The following GABRA5 variants were observed in gnomAD, a reference collection of about 807,000 sequenced individuals.
The protein encoded by GABRA5 is gamma-aminobutyric acid type A receptor subunit alpha5.
Under a neutral mutation model 47.3 loss-of-function variants are expected in GABRA5, and 18 were observed. The ratio of observed to expected loss-of-function variants is 0.38; its 90% confidence interval spans 0.26 to 0.56. The LOEUF is 0.56. GABRA5 is among the 20% of genes least tolerant of loss of function. GABRA5 has a pLI of 0.71. For synonymous variants in GABRA5, 237 were observed against 229.3 expected (o/e 1.03, Z -0.30); for missense variants, 365 against 599.3 (o/e 0.61, Z 4.08).
chr15:26,920,996 G>A (rs1016298590), intron 7 of GABRA5, among the ~76,000 whole-genome samples: 1 of 151,924 alleles, frequency 6.6e-6, no homozygotes, highest in South Asian at 2.1e-4. Context: ...TTGCAGCCCT[G>A]GAATAAACTC....
At chr15:26,912,270 T>G (rs1036084991) in intron 6 of GABRA5, among the ~76,000 whole-genome samples, 1 of 152,248 alleles carries the variant, frequency 6.6e-6, no homozygotes, top group African/African-American at 2.4e-5. Context: ...GTCTTCCTTC[T>G]TAAGGAAATT....
intron 7 of GABRA5, among the ~76,000 whole-genome samples, chr15:26,917,368 T>G (rs922130638): frequency 2.6e-5 from 4 of 152,114 alleles, no homozygotes; most frequent in Non-Finnish European, 4.4e-5. Flanking sequence ...TAATGTGATG[T>G]ATTACATCAA....
intron 6 of GABRA5, among the ~76,000 whole-genome samples, chr15:26,911,171 G>GCATTCT: frequency 6.6e-6 from 1 of 151,296 alleles, no homozygotes; most frequent in Non-Finnish European, 1.5e-5. Flanking sequence ...CTGAGGTTTA[G>GCATTCT]AATTCTAAGG....
chr15:26,928,943 G>A (rs183744501), intron 7 of GABRA5, among the ~76,000 whole-genome samples: 1 of 152,210 alleles, frequency 6.6e-6, no homozygotes, highest in Admixed American at 6.5e-5. Context: ...CCATTCATGA[G>A]GGCTCCATCC....
chr15:26,942,275 C>T (rs1319751350), intron 9 of GABRA5, among the ~76,000 whole-genome samples: 1 of 152,224 alleles, frequency 6.6e-6, no homozygotes, highest in East Asian at 1.9e-4. Flanking sequence ...GCATAATCTG[C>T]CAGTCCAAAG....
At chr15:26,912,725 G>A (rs7178125) in intron 6 of GABRA5, among the ~76,000 whole-genome samples, 127,448 of 152,266 alleles carry the variant, frequency 0.84, 53,613 homozygotes, top group East Asian at 0.91. Context: ...TTCTGTTCTA[G>A]TGTTAGGTAT....
intron 3 of GABRA5, among the ~76,000 whole-genome samples, chr15:26,871,669 A>G (rs1286491855): frequency 1.3e-5 from 2 of 152,094 alleles, no homozygotes; most frequent in Non-Finnish European, 2.9e-5. Flanking sequence ...CATGTTTTTT[A>G]TACAGTTGGG....
chr15:26,935,654 C>T lies in GABRA5; in HGVS notation c.581-1531C>T, dbSNP rs150337425. Among the ~76,000 whole-genome samples, 965 of 152,340 alleles carry T rather than the reference C, an allele frequency of 6.3e-3. 9 individuals are homozygous for T. The highest frequency in any genetic ancestry group is 0.02 in the African/African-American group (816 of 41,592). ...AGTGATGAGTGGGCCACAGCCTCCA[C>T]ACTTCACGAATCCCATCGCGTCTCA... is the stretch of plus-strand genomic sequence containing the variant. On this transcript the variant is annotated intron_variant, in intron 7 of 10. Coordinates refer to ENST00000335625, the MANE Select transcript of GABRA5 (RefSeq NM_000810.4).
intron 9 of GABRA5, 132 bp from the exon 10 acceptor site, chr15:26,943,083 C>CAACATA (rs1555393997): frequency 1.5e-6 from 1 of 681,220 alleles, no homozygotes; most frequent in African/African-American, 1.8e-5. Context: ...GACTCTGTCT[C>CAACATA]AAAATAAAAA....
intron 6 of GABRA5, among the ~76,000 whole-genome samples, chr15:26,884,777 A>G (rs1288844960): frequency 1.3e-5 from 2 of 152,208 alleles, no homozygotes; most frequent in African/African-American, 4.8e-5. Context: ...TGAGGCCTGT[A>G]GCCTGGGAGC....
In GABRA5 at chr15:26,883,569, G is replaced by A; in HGVS notation, c.497+12G>A. On this transcript the variant is annotated intron_variant, in intron 6 of 10. Coordinates refer to ENST00000335625, the MANE Select transcript of GABRA5 (RefSeq NM_000810.4). The surrounding 1 kb of genome is among the most constrained non-coding windows in gnomAD (Gnocchi z 4.8). ...CTCTACACCATGCGGTGAGCGCCGG[G>A]CGGGGGCGGGCGGGGCCGGGGGACG... is the stretch of plus-strand genomic sequence containing the variant. 1 of 1,528,768 alleles carries A rather than the reference G, an allele frequency of 6.5e-7. No individual in the cohort carries two copies. The highest frequency in any genetic ancestry group is 8.9e-7 in the Non-Finnish European group (1 of 1,126,196). 94.7% of individuals were successfully genotyped at this position (1,528,768 alleles called of 1,614,324 possible).
intron 6 of GABRA5, among the ~76,000 whole-genome samples, chr15:26,900,592 G>T (rs1420668910): frequency 6.6e-6 from 1 of 152,002 alleles, no homozygotes; most frequent in African/African-American, 2.4e-5. Flanking sequence ...TAAGAGTATG[G>T]TACAGAAATT....
At chr15:26,897,136 A>G (rs1893216891) in intron 6 of GABRA5, among the ~76,000 whole-genome samples, 2 of 152,084 alleles carry the variant, frequency 1.3e-5, no homozygotes, top group African/African-American at 4.8e-5. Context: ...ATGAGCGTGA[A>G]TTTTAACCAG....
Position 26,947,999 on chromosome 15 carries a change from C to G in GABRA5, c.1155C>G (p.Pro385=), listed in dbSNP as rs773455093. The change falls in exon 11 of 11, where the codon CCC becomes CCG. Residue 385 remains proline (P), a synonymous_variant. Coordinates refer to ENST00000335625, the MANE Select transcript of GABRA5 (RefSeq NM_000810.4). The part of the protein sequence containing the change: ...NAFTTGKMSH[P]PNIPKEQTPA... ...TTACAACTGGGAAGATGTCTCACCC[C>G]CCAAACATTCCGAAGGAACAGACCC... The G allele has an allele frequency of 6.3e-7, 1 of 1,599,386 alleles. No homozygotes were observed.
At chr15:26,891,587 C>G (rs140838260) in intron 6 of GABRA5, among the ~76,000 whole-genome samples, 1,565 of 152,272 alleles carry the variant, frequency 0.01, 36 homozygotes, top group African/African-American at 0.036. Context: ...GGAGGGCATT[C>G]TAGAGCTTGG....
At chr15:26,926,870 G>A (rs547532272) in intron 7 of GABRA5, among the ~76,000 whole-genome samples, 50 of 152,248 alleles carry the variant, frequency 3.3e-4, no homozygotes, top group African/African-American at 1.2e-3. Context: ...AGAAAACTAC[G>A]TGATGTCCTG....
intron 6 of GABRA5, among the ~76,000 whole-genome samples, chr15:26,894,209 T>C (rs932733483): frequency 1.3e-5 from 2 of 152,162 alleles, no homozygotes; most frequent in Non-Finnish European, 2.9e-5. Flanking sequence ...AACGGAAGCC[T>C]TCTGGGAGGG....
chr15:26,892,918 C>T (rs938295460), intron 6 of GABRA5, among the ~76,000 whole-genome samples: 2 of 147,864 alleles, frequency 1.4e-5, no homozygotes, highest in Non-Finnish European at 3.0e-5. Context: ...GTTGTGTGTG[C>T]GTGATGTGTG....
chr15:26,929,982 TTTCTTC>T (rs1223099935), intron 7 of GABRA5, among the ~76,000 whole-genome samples: 148 of 148,392 alleles, frequency 1.0e-3, no homozygotes, highest in Non-Finnish European at 1.4e-3. Flanking sequence ...ATTCTGCTTC[TTTCTTC>T]TTCTTCTTCT....
Sources: allele counts gnomAD v4.1 joint callset (sites outside exome capture counted in the v4.1 genomes callset), GRCh38; gene constraint gnomAD v4.1.1; non-coding constraint Gnocchi (gnomAD v3.1); transcripts MANE v1.5; gene names NCBI Gene and HGNC (gene_info 2026-07-23, HGNC 2026-07-21).